Variants in CELSR1 observed in about 807,000 individuals in gnomAD.
CELSR1 encodes the protein adhesion G protein-coupled receptor C1.
In CELSR1, 110 loss-of-function variants were observed where a neutral mutation model predicts 249.1. That is an observed-to-expected ratio of 0.44 (90% CI 0.38 to 0.52). The LOEUF (loss-of-function observed/expected upper bound fraction) is 0.52, where lower values mean the gene tolerates loss of function less well. Among genes scored for constraint, CELSR1 ranks in the 20% least tolerant of loss-of-function variants. The pLI is 0.00. For synonymous variants in CELSR1, 2,113 were observed against 1,900.0 expected, an observed-to-expected ratio of 1.11 and a Z score of -2.92; for missense variants, 4,109 against 4,296.4, an observed-to-expected ratio of 0.96 and a Z score of 1.22.
At chr22:46,452,754 A>C (rs6520013) in intron 2 of CELSR1, among the ~76,000 whole-genome samples, 4 of 152,192 alleles carry the variant, frequency 2.6e-5, no homozygotes, top group African/African-American at 9.6e-5. Flanking sequence ...TCCTACCTAG[A>C]GGGGACAGGG....
At position 46,429,985 on chromosome 22, in the gene CELSR1, C is replaced by T. The variant is rs565073438; in HGVS notation, c.4611+3408G>A. 1.3e-5 allele frequency among the ~76,000 whole-genome samples: 2 copies of T among 152,362 alleles called. No individual in the cohort carries two copies. The highest frequency in any genetic ancestry group is 1.9e-4 in the East Asian group (1 of 5,186). ...CCCACTGGAGCACCCCATCTGCTTC[C>T]TGTGGGGACCCTGACTGCTCCACCA... On this transcript the variant is annotated intron_variant, in intron 5 of 34. Coordinates refer to ENST00000674500, the MANE Select transcript of CELSR1 (RefSeq NM_001378328.1). This position sits in a 1 kb window ranked among gnomAD's most constrained non-coding sequence, Gnocchi z 4.1.
In CELSR1 at chr22:46,380,992, G is replaced by A. The variant is rs2078972269; in HGVS notation, c.7089-37C>T. 6.3e-7 allele frequency: 1 copy of A among 1,599,556 alleles called. No individual in the cohort carries two copies. The highest frequency in any genetic ancestry group is 8.5e-7 in the Non-Finnish European group (1 of 1,169,822). On this transcript the variant is annotated intron_variant, in intron 21 of 34. Coordinates refer to ENST00000674500, the MANE Select transcript of CELSR1 (RefSeq NM_001378328.1). This position sits in a 1 kb window ranked among gnomAD's most constrained non-coding sequence, Gnocchi z 5.1. ...AAGCCAGAGCATGGGGACAAACACG[G>A]TGAGGAAACATCTGCTTAAATCCCG...
chr22:46,420,286 GCA>G (rs909260807), intron 5 of CELSR1, among the ~76,000 whole-genome samples: 13 of 145,686 alleles, frequency 8.9e-5, no homozygotes, highest in African/African-American at 3.0e-4. Flanking sequence ...ACTCATATAT[GCA>G]CACTCAGCCA....
Position 46,391,696 on chromosome 22 carries a change from T to G in CELSR1, c.6085A>C (p.Ile2029Leu). Residue 2029 changes from isoleucine (I) to leucine (L), a missense_variant, in exon 15 of 35, where the codon ATC becomes CTC. By Grantham distance (5) the Ile-to-Leu change is conservative. Transcript: ENST00000674500. The surrounding 1 kb of genome is among the most constrained non-coding windows in gnomAD (Gnocchi z 4.3). Reference sequence around the variant, plus strand: ...TCGCAGCGGTTGCACTGGCGGCCGATGACGCCGGGCTTGCAGGCACACTGC... The same window carrying G: ...TCGCAGCGGTTGCACTGGCGGCCGAGGACGCCGGGCTTGCAGGCACACTGC... Reference protein sequence around the residue: ...TGQCACKPGVIGRQCNRCDNP... With the variant: ...TGQCACKPGVLGRQCNRCDNP... The G allele has an allele frequency of 1.2e-6, 2 of 1,610,172 alleles. No individual in the cohort carries two copies. The highest frequency in any genetic ancestry group is 1.1e-5 in the South Asian group (1 of 90,660).
Position 46,506,721 on chromosome 22 carries a change from C to G in CELSR1, c.3544+26906G>C, listed in dbSNP as rs1233777271. Among the ~76,000 whole-genome samples, 3 of 152,166 alleles carry G rather than the reference C, an allele frequency of 2.0e-5. No homozygotes were observed. Among genetic ancestry groups the G allele is most frequent in the Non-Finnish European group, 4.4e-5 (3 of 68,040 alleles). ...TGAGACAAGCCCAAATCGAGAGTTA[C>G]GTTCTAATTTTAAGATCTCTGTGCC... On this transcript the variant is annotated intron_variant, in intron 1 of 34. Coordinates refer to ENST00000674500, the MANE Select transcript of CELSR1 (RefSeq NM_001378328.1). The surrounding 1 kb of genome is among the most constrained non-coding windows in gnomAD (Gnocchi z 4.1).
rs544021321 is a variant in CELSR1, at chr22:46,410,146, T to C, written c.4933+252A>G. Among the ~76,000 whole-genome samples the C allele has an allele frequency of 6.0e-4, 91 of 152,346 alleles. No individual in the cohort carries two copies. Among genetic ancestry groups the C allele is most frequent in the Non-Finnish European group, 6.3e-4 (43 of 68,018 alleles). On this transcript the variant is annotated intron_variant, in intron 7 of 34. Coordinates refer to ENST00000674500, the MANE Select transcript of CELSR1 (RefSeq NM_001378328.1). The surrounding 1 kb of genome is among the most constrained non-coding windows in gnomAD (Gnocchi z 6.8). ...ACACATATGCAAGACCCTAGGATCA[T>C]GTGCGCCTCGGGTTAGCTGGCTGGG... is the stretch of plus-strand genomic sequence containing the variant.
At chr22:46,424,672 G>A (rs960010928) in intron 5 of CELSR1, among the ~76,000 whole-genome samples, 4 of 152,060 alleles carry the variant, frequency 2.6e-5, no homozygotes, top group Admixed American at 6.6e-5. Flanking sequence ...TTATTCTGTC[G>A]TATTAAGAAT....
At position 46,399,906 on chromosome 22, in the gene CELSR1, G is replaced by A. The variant is rs1232082050; in HGVS notation, c.5227-4C>T. 3 of 1,613,904 alleles carry A rather than the reference G, an allele frequency of 1.9e-6. No individual in the cohort carries two copies. The highest frequency in any genetic ancestry group is 1.7e-5 in the Admixed American group (1 of 60,004). ...ACTGGAGGTAGTTGTTCAGGATCTG[G>A]AGCAGGGAGAGCCACACCGACTGAT... On this transcript the variant is annotated splice_polypyrimidine_tract_variant and splice_region_variant and intron_variant, in intron 9 of 34. Coordinates refer to ENST00000674500, the MANE Select transcript of CELSR1 (RefSeq NM_001378328.1). This position sits in a 1 kb window ranked among gnomAD's most constrained non-coding sequence, Gnocchi z 5.0.
chr22:46,391,422 G>A lies in CELSR1; in HGVS notation c.6149-135C>T. On this transcript the variant is annotated intron_variant, in intron 15 of 34. Transcript: ENST00000674500. This position sits in a 1 kb window ranked among gnomAD's most constrained non-coding sequence, Gnocchi z 4.3. ...AGAACCGAACCCTAGCATCTCCCCTGCCCCCATCCATGTCAGAGCTGGAGA... is the reference window on the plus strand; with the variant it reads ...AGAACCGAACCCTAGCATCTCCCCTACCCCCATCCATGTCAGAGCTGGAGA... 2 of 903,454 alleles carry A rather than the reference G, an allele frequency of 2.2e-6. No homozygotes were observed. The highest frequency in any genetic ancestry group is 2.7e-5 in the East Asian group (1 of 37,622). The allele number at this position is 903,454 out of a possible 1,614,324, so 56.0% of individuals were successfully genotyped here.
chr22:46,372,219 C>G (rs2078860557), intron 25 of CELSR1, among the ~76,000 whole-genome samples: 1 of 149,742 alleles, frequency 6.7e-6, no homozygotes, highest in Admixed American at 6.6e-5. Flanking sequence ...CATCCATCTA[C>G]TCACCCATCC....
Position 46,384,653 on chromosome 22 carries a change from A to G in CELSR1, c.6773T>C (p.Phe2258Ser). ...LAVDIFDKFN[F>S]TGARVPRFDT... The stretch of plus-strand genomic sequence containing the variant: ...GAATCGCGGGACCCTGGCTCCCGTA[A>G]AGTTGAACTTGTCAAAGATGTCGAC... Residue 2258 changes from phenylalanine (F) to serine (S), a missense_variant, in exon 20 of 35, where the codon TTT becomes TCT. Coordinates refer to ENST00000674500, the MANE Select transcript of CELSR1 (RefSeq NM_001378328.1). The G allele has an allele frequency of 6.2e-7, 1 of 1,613,404 alleles. No homozygotes were observed.
Position 46,363,141 on chromosome 22 carries a change from G to C in CELSR1, c.*82C>G, listed in dbSNP as rs1433379590. ...GGCCCCTTGGGCTCCAAGGTCTGAG[G>C]GTGATGCCGCAGCCTGTGTGGGGTG... On this transcript the variant is annotated 3_prime_UTR_variant, in exon 35 of 35. Transcript: ENST00000674500. This position sits in a 1 kb window ranked among gnomAD's most constrained non-coding sequence, Gnocchi z 4.3. The C allele has an allele frequency of 1.2e-6, 2 of 1,613,728 alleles. No homozygotes were observed. Among genetic ancestry groups the C allele is most frequent in the Non-Finnish European group, 1.7e-6 (2 of 1,179,916 alleles).
At chr22:46,470,845 C>T (rs1207597996) in intron 1 of CELSR1, among the ~76,000 whole-genome samples, 1 of 152,092 alleles carries the variant, frequency 6.6e-6, no homozygotes, top group Non-Finnish European at 1.5e-5. Context: ...AAGAAACAGG[C>T]CAGGAGCAGT....
In CELSR1 at chr22:46,363,048, A is replaced by G; in HGVS notation, c.*175T>C. 1 of 1,349,008 alleles carries G rather than the reference A, an allele frequency of 7.4e-7. No homozygotes were observed. Among genetic ancestry groups the G allele is most frequent in the Admixed American group, 1.9e-5 (1 of 53,996 alleles). The allele number at this position is 1,349,008 out of a possible 1,614,324, so 83.6% of individuals were successfully genotyped here. A position where few individuals can be genotyped will look rare whatever the true frequency, so the allele number is the denominator to read the frequency against. On this transcript the variant is annotated 3_prime_UTR_variant, in exon 35 of 35. Transcript: ENST00000674500. The surrounding 1 kb of genome is among the most constrained non-coding windows in gnomAD (Gnocchi z 4.3). Reference sequence around the variant, plus strand: ...GGAGAACCAAGACCTTTGTGTCTGGATGATCAGTCGGGGGGCTGCCACCAT... The same window carrying G: ...GGAGAACCAAGACCTTTGTGTCTGGGTGATCAGTCGGGGGGCTGCCACCAT...
At position 46,448,711 on chromosome 22, in the gene CELSR1, C is replaced by A; in HGVS notation, c.4184-9300G>T. The A allele has an allele frequency of 3.3e-6, 1 of 305,970 alleles. No individual in the cohort carries two copies. Among genetic ancestry groups the A allele is most frequent in the South Asian group, 2.8e-5 (1 of 36,032 alleles). 19.0% of individuals were successfully genotyped at this position (305,970 alleles called of 1,614,324 possible). On this transcript the variant is annotated intron_variant, in intron 2 of 34. Coordinates refer to ENST00000674500, the MANE Select transcript of CELSR1 (RefSeq NM_001378328.1). This position sits in a 1 kb window ranked among gnomAD's most constrained non-coding sequence, Gnocchi z 5.7. The stretch of plus-strand genomic sequence containing the variant: ...AGAACAAGGAGTGAGTGGAAGGGCC[C>A]GGGAACAGGAACACAGGGCAATTTC...
At position 46,418,743 on chromosome 22, in the gene CELSR1, A is replaced by C. The variant is rs146034989; in HGVS notation, c.4612-6984T>G. On this transcript the variant is annotated intron_variant, in intron 5 of 34. Transcript: ENST00000674500. ...CTATTAGGCTTATTGTGGGAGCATT[A>C]GAAAAGTTTTCAACAAAGGTCAGAA... is the stretch of plus-strand genomic sequence containing the variant. Among the ~76,000 whole-genome samples, 180 of 152,364 alleles carry C rather than the reference A, an allele frequency of 1.2e-3. 1 individual carries two copies. The highest frequency in any genetic ancestry group is 4.0e-3 in the African/African-American group (167 of 41,584).
intron 1 of CELSR1, chr22:46,481,557 A>G: frequency 8.8e-7 from 1 of 1,135,242 alleles, no homozygotes; most frequent in Non-Finnish European, 1.3e-6. Flanking sequence ...CCTGGGCTTA[A>G]GCCAGAGGCA....
Position 46,469,907 on chromosome 22 carries a change from G to A in CELSR1, c.3545-5562C>T, listed in dbSNP as rs753791822. On this transcript the variant is annotated intron_variant, in intron 1 of 34. Transcript: ENST00000674500. ...TGTAGGTCTTGTTCCTGCTGCATCC[G>A]TCACATCTAGAACAGCTCCTGGCAC... 2.6e-4 allele frequency among the ~76,000 whole-genome samples: 21 copies of A among 81,082 alleles called. 1 individual carries two copies. The highest frequency in any genetic ancestry group is 4.8e-4 in the Admixed American group (3 of 6,280). 53.2% of individuals were successfully genotyped at this position (81,082 alleles called of 152,430 possible).
rs1190004605 is a variant in CELSR1, at chr22:46,537,215, GCACCCGGCGCGCCTCCGCATC to G, written c.-66_-46del. On this transcript the variant is annotated 5_prime_UTR_variant, in exon 1 of 35. The change abolishes an upstream ATG in the 5' untranslated region. Coordinates refer to ENST00000674500, the MANE Select transcript of CELSR1 (RefSeq NM_001378328.1). The surrounding 1 kb of genome is among the most constrained non-coding windows in gnomAD (Gnocchi z 5.8). ...AGCCGGGCGCCCGAACACAATCCAT[GCACCCGGCGCGCCTCCGCATC>G]CACCCGGCGAGGCCGGGGAGCGGCT... 9.8e-7 allele frequency: 1 copy of G among 1,017,324 alleles called. No homozygotes were observed. The highest frequency in any genetic ancestry group is 1.2e-6 in the Non-Finnish European group (1 of 852,340). The allele number at this position is 1,017,324 out of a possible 1,614,324, so 63.0% of individuals were successfully genotyped here.
Sources: gnomAD v4.1 joint callset for allele counts (sites outside exome capture counted in the v4.1 genomes callset) on GRCh38, gnomAD v4.1.1 for gene constraint, Gnocchi (gnomAD v3.1) non-coding constraint, MANE v1.5 for transcripts, NCBI Gene and HGNC (gene_info 2026-07-23, HGNC 2026-07-21) for gene names.